The following MBD5 variants were observed in gnomAD, a reference collection of about 807,000 sequenced individuals.
MBD5 encodes methyl-CpG-binding domain protein 5.
Under a neutral mutation model 117.3 loss-of-function variants are expected in MBD5, and 13 were observed. The ratio of observed to expected loss-of-function variants is 0.11; its 90% CI spans 0.07 to 0.18. The LOEUF is 0.18. MBD5 is among the 10% of genes least tolerant of loss of function. The probability of loss-of-function intolerance (pLI) is 1.00; values close to 1 mark genes in which losing one functional copy is unlikely to be tolerated. For synonymous variants in MBD5, 727 were observed against 766.4 expected, an observed-to-expected ratio of 0.95 and a Z score of 0.85; for missense variants, 1,879 against 2,093.8, an observed-to-expected ratio of 0.90 and a Z score of 2.00.
intron 4 of MBD5, among the ~76,000 whole-genome samples, chr2:148,363,892 G>A (rs1703617139): frequency 6.6e-6 from 1 of 152,128 alleles, no homozygotes; most frequent in Admixed American, 6.6e-5. Flanking sequence ...AAAGTGACGG[G>A]GAGAATGGAA....
chr2:148,221,428 A>G (rs187892512), intron 2 of MBD5, among the ~76,000 whole-genome samples: 235 of 152,084 alleles, frequency 1.5e-3, no homozygotes, highest in African/African-American at 5.4e-3. Flanking sequence ...AGCATTTGTT[A>G]TTGCCTTTCT....
At chr2:148,480,330 C>T (rs1360083208) in intron 8 of MBD5, among the ~76,000 whole-genome samples, 1 of 152,020 alleles carries the variant, frequency 6.6e-6, no homozygotes, top group Non-Finnish European at 1.5e-5. Flanking sequence ...AATGTGGATA[C>T]TTGTCTGTTG....
intron 1 of MBD5, among the ~76,000 whole-genome samples, chr2:148,173,415 G>A (rs777696697): frequency 7.2e-5 from 11 of 152,200 alleles, no homozygotes; most frequent in Non-Finnish European, 1.6e-4. Context: ...CGCAGTGGTC[G>A]GACCCCACGC....
At chr2:148,077,102 C>G (rs758503341) in intron 1 of MBD5, among the ~76,000 whole-genome samples, 4 of 152,216 alleles carry the variant, frequency 2.6e-5, no homozygotes, top group Non-Finnish European at 5.9e-5. Context: ...TTGCTGACAT[C>G]TGTTCTATAA....
At chr2:148,378,352 C>A (rs986925032) in intron 4 of MBD5, among the ~76,000 whole-genome samples, 44 of 152,090 alleles carry the variant, frequency 2.9e-4, no homozygotes, top group African/African-American at 1.0e-3. Context: ...AAATTGCTAA[C>A]CTGCTTTAAG....
intron 3 of MBD5, among the ~76,000 whole-genome samples, chr2:148,297,635 G>C (rs1342129163): frequency 2.6e-5 from 4 of 152,084 alleles, no homozygotes; most frequent in Non-Finnish European, 4.4e-5. Flanking sequence ...AGTTTATTCT[G>C]ACTCCAGGAA....
intron 12 of MBD5, among the ~76,000 whole-genome samples, chr2:148,504,287 A>G (rs780559930): frequency 3.3e-5 from 5 of 152,238 alleles, no homozygotes; most frequent in Non-Finnish European, 7.3e-5. Context: ...GTCTAAGCAG[A>G]CAGACTTTCC....
intron 1 of MBD5, among the ~76,000 whole-genome samples, chr2:148,086,478 T>G (rs1695794851): frequency 6.6e-6 from 1 of 152,214 alleles, no homozygotes; most frequent in Non-Finnish European, 1.5e-5. Context: ...TAATATTAGT[T>G]CTATGGAACT....
intron 1 of MBD5, among the ~76,000 whole-genome samples, chr2:148,039,328 T>C (rs1172394813): frequency 2.0e-5 from 3 of 152,136 alleles, no homozygotes; most frequent in African/African-American, 7.2e-5. Flanking sequence ...ATACTATTTT[T>C]ACTTTACTAA....
intron 4 of MBD5, among the ~76,000 whole-genome samples, chr2:148,445,536 T>C (rs1191091805): frequency 1.3e-5 from 2 of 151,422 alleles, no homozygotes; most frequent in Non-Finnish European, 2.9e-5. Flanking sequence ...CAGTCTATCA[T>C]TGTTGGACAT....
At chr2:148,031,504 T>G (rs1373878633) in intron 1 of MBD5, among the ~76,000 whole-genome samples, 1 of 152,234 alleles carries the variant, frequency 6.6e-6, no homozygotes, top group East Asian at 1.9e-4. Context: ...GGGAAGCTTA[T>G]TTTTACTAGT....
intron 3 of MBD5, 47 bp downstream of exon 3, chr2:148,233,442 G>A (rs1218056886): frequency 6.6e-6 from 1 of 152,176 alleles, no homozygotes; most frequent in East Asian, 1.9e-4. Flanking sequence ...TATTAATCAT[G>A]TAGACACAAG....
chr2:148,288,399 C>CAAAAAAAAAAAAAAAAAAAAAAAA (rs569673565), intron 3 of MBD5, among the ~76,000 whole-genome samples: 3 of 37,728 alleles, frequency 8.0e-5, no homozygotes, highest in East Asian at 2.5e-3. Context: ...GACTCCGTCT[C>CAAAAAAAAAAAAAAAAAAAAAAAA]AAAAAAAAAA....
chr2:148,236,296 T>C (rs1415097424), intron 3 of MBD5, among the ~76,000 whole-genome samples: 2 of 152,174 alleles, frequency 1.3e-5, no homozygotes, highest in East Asian at 1.9e-4. Context: ...GTCAGAGGAT[T>C]CACTATTTGT....
At chr2:148,179,903 A>G (rs1008077759) in intron 2 of MBD5, among the ~76,000 whole-genome samples, 2 of 152,210 alleles carry the variant, frequency 1.3e-5, no homozygotes, top group African/African-American at 4.8e-5. Flanking sequence ...TTTAAAGAAC[A>G]GAAATAAATT....
intron 1 of MBD5, chr2:148,026,192 T>C (rs1232810138): frequency 2.0e-5 from 3 of 152,174 alleles, no homozygotes; most frequent in Non-Finnish European, 4.4e-5. Flanking sequence ...TACCATTGAT[T>C]ATAAGTACCC....
chr2:148,117,080 T>G (rs1322827676), intron 1 of MBD5, among the ~76,000 whole-genome samples: 1 of 152,202 alleles, frequency 6.6e-6, no homozygotes, highest in East Asian at 1.9e-4. Context: ...AGTAAAAGTT[T>G]ATTTAAAAAC....
At chr2:148,108,994 G>A (rs1461782451) in intron 1 of MBD5, among the ~76,000 whole-genome samples, 1 of 152,130 alleles carries the variant, frequency 6.6e-6, no homozygotes, top group Non-Finnish European at 1.5e-5. Context: ...GATGGAGGGA[G>A]GGAAACAGAA....
chr2:148,327,797 A>G (rs1232383363), intron 3 of MBD5, among the ~76,000 whole-genome samples: 1 of 152,034 alleles, frequency 6.6e-6, no homozygotes, highest in African/African-American at 2.4e-5. Context: ...ATGTCCTTCC[A>G]TAGCTCGGAG....
Sources: allele counts gnomAD v4.1 joint callset (sites outside exome capture counted in the v4.1 genomes callset), GRCh38; gene constraint gnomAD v4.1.1; transcripts MANE v1.5; gene names NCBI Gene and HGNC (gene_info 2026-07-23, HGNC 2026-07-21).